The following OSTN variants were observed in gnomAD, a reference collection of about 807,000 sequenced individuals.
OSTN encodes osteocrin.
In OSTN, 9 loss-of-function variants were observed where a neutral mutation model predicts 12.0. The ratio of observed to expected loss-of-function variants is 0.75; its 90% confidence interval spans 0.45 to 1.30. The LOEUF is 1.30. Ranked by LOEUF, OSTN falls within the 50% of genes most tolerant of loss-of-function variation. The pLI, the probability that OSTN is intolerant of heterozygous loss-of-function variation, is 0.00. For synonymous variants in OSTN, 59 were observed against 56.9 expected, an observed-to-expected ratio of 1.04 and a Z score of -0.16; for missense variants, 148 against 152.3, an observed-to-expected ratio of 0.97 and a Z score of 0.15.
chr3:191,199,553 CAG>C (rs1013447200), intron 1 of OSTN, among the ~76,000 whole-genome samples: 11 of 151,886 alleles, frequency 7.2e-5, no homozygotes, highest in African/African-American at 2.2e-4. Context: ...TCAAAACAAA[CAG>C]AAAGTGAATG....
At chr3:191,242,915 A>T (rs1715353263) in intron 3 of OSTN, among the ~76,000 whole-genome samples, 1 of 152,160 alleles carries the variant, frequency 6.6e-6, no homozygotes, top group African/African-American at 2.4e-5. Context: ...TATAACTCTC[A>T]AAGTCTAATA....
At chr3:191,203,453 C>G in intron 1 of OSTN, among the ~76,000 whole-genome samples, 1 of 151,954 alleles carries the variant, frequency 6.6e-6, no homozygotes, top group East Asian at 1.9e-4. Context: ...GCATTAATCA[C>G]AAATCCAAAT....
chr3:191,257,823 A>G (rs1460998874), intron 4 of OSTN, among the ~76,000 whole-genome samples: 1 of 152,224 alleles, frequency 6.6e-6, no homozygotes, highest in African/African-American at 2.4e-5. Context: ...ATTTGGTCTT[A>G]ATTTATGAGT....
intron 1 of OSTN, among the ~76,000 whole-genome samples, chr3:191,207,518 A>G (rs557253214): frequency 3.9e-5 from 6 of 152,320 alleles, no homozygotes; most frequent in African/African-American, 1.4e-4. Context: ...TCTAACATTT[A>G]TACATCTCAT....
chr3:191,226,341 A>G (rs1019519654), intron 3 of OSTN, among the ~76,000 whole-genome samples: 2 of 152,182 alleles, frequency 1.3e-5, no homozygotes, highest in Non-Finnish European at 2.9e-5. Flanking sequence ...TCTAATATTT[A>G]TTAATGTCTA....
intron 3 of OSTN, among the ~76,000 whole-genome samples, chr3:191,230,291 C>T (rs1326412368): frequency 6.6e-6 from 1 of 151,838 alleles, no homozygotes; most frequent in African/African-American, 2.4e-5. Flanking sequence ...CTTGGCTGGG[C>T]ACGGTGGCTC....
rs1715568112 is a variant in OSTN at position 191,251,824 on chromosome 3, C to A, written c.*12+1691C>A. Among the ~76,000 whole-genome samples, 5 of 152,116 alleles carry A rather than the reference C, an allele frequency of 3.3e-5. No homozygotes were observed. In the South Asian group the frequency reaches 1.0e-3, roughly 32 times the overall value. ...CACTCTTCAAGGTTGTTAAAAATTGCCACATTATATTTGAGTAGAAACTAG... is the reference window on the plus strand; with the variant it reads ...CACTCTTCAAGGTTGTTAAAAATTGACACATTATATTTGAGTAGAAACTAG... On this transcript the variant is annotated intron_variant, in intron 4 of 4. Transcript: ENST00000682035.
intron 2 of OSTN, among the ~76,000 whole-genome samples, chr3:191,213,805 G>T (rs1714528397): frequency 6.6e-6 from 1 of 151,752 alleles, no homozygotes; most frequent in African/African-American, 2.4e-5. Flanking sequence ...TTAAAAAAAC[G>T]ATTGTGTAGT....
At chr3:191,235,943 A>G (rs1715178299) in intron 3 of OSTN, among the ~76,000 whole-genome samples, 1 of 152,224 alleles carries the variant, frequency 6.6e-6, no homozygotes, top group Non-Finnish European at 1.5e-5. Context: ...TAGGTTCACC[A>G]TGCTTCAATG....
chr3:191,254,750 T>C (rs971042171), intron 4 of OSTN, among the ~76,000 whole-genome samples: 4 of 152,214 alleles, frequency 2.6e-5, no homozygotes, highest in African/African-American at 9.7e-5. Flanking sequence ...ATATTCTACT[T>C]GGTCTGATTA....
chr3:191,208,426 G>A (rs1386464181), intron 1 of OSTN, among the ~76,000 whole-genome samples: 1 of 152,194 alleles, frequency 6.6e-6, no homozygotes, highest in African/African-American at 2.4e-5. Context: ...TTTCATTAGT[G>A]TACCAAATGC....
At position 191,248,925 on chromosome 3, in the gene OSTN, A is replaced by T. The variant is rs188633587; in HGVS notation, c.318-1112A>T. ...GATCACACCATCGTACTCCAGCAGA[A>T]ATCCTTACATTTGGTGGGAGAATAA... On this transcript the variant is annotated intron_variant, in intron 3 of 4. Coordinates refer to ENST00000682035, the MANE Select transcript of OSTN (RefSeq NM_198184.2). 1.1e-4 allele frequency among the ~76,000 whole-genome samples: 17 copies of T among 152,304 alleles called. No homozygotes were observed. In the East Asian group the frequency reaches 3.3e-3, roughly 29 times the overall value.
At chr3:191,204,604 A>G (rs571163754) in intron 1 of OSTN, among the ~76,000 whole-genome samples, 3 of 152,356 alleles carry the variant, frequency 2.0e-5, no homozygotes, top group South Asian at 4.1e-4. Flanking sequence ...CAATAAAAAA[A>G]GAGACCGCAA....
chr3:191,258,499 G>C (rs973483803), intron 4 of OSTN, among the ~76,000 whole-genome samples: 3 of 147,786 alleles, frequency 2.0e-5, no homozygotes, highest in African/African-American at 7.7e-5. Flanking sequence ...CGGGGCGTAG[G>C]AGGCAAGGGG....
intron 3 of OSTN, among the ~76,000 whole-genome samples, chr3:191,222,134 T>C (rs1714781184): frequency 1.3e-4 from 20 of 152,270 alleles, no homozygotes; most frequent in Admixed American, 1.3e-3. Flanking sequence ...AGATGTTTGC[T>C]GCAGGGGCAG....
intron 4 of OSTN, among the ~76,000 whole-genome samples, chr3:191,261,480 G>T (rs189710409): frequency 6.6e-6 from 1 of 152,246 alleles, no homozygotes; most frequent in Non-Finnish European, 1.5e-5. Context: ...CCCTCAGAGA[G>T]AATAGATGGC....
intron 3 of OSTN, among the ~76,000 whole-genome samples, chr3:191,241,885 T>A (rs1201428120): frequency 1.3e-5 from 2 of 152,164 alleles, no homozygotes; most frequent in East Asian, 3.9e-4. Flanking sequence ...GAGAATAACA[T>A]TATCTAAACA....
intron 4 of OSTN, among the ~76,000 whole-genome samples, chr3:191,252,858 T>A (rs779366023): frequency 6.6e-6 from 1 of 152,250 alleles, no homozygotes; most frequent in Non-Finnish European, 1.5e-5. Flanking sequence ...AGGGGATGTA[T>A]CATTTAACAG....
intron 1 of OSTN, among the ~76,000 whole-genome samples, chr3:191,203,098 A>C (rs564102898): frequency 1.3e-5 from 2 of 152,308 alleles, no homozygotes; most frequent in Non-Finnish European, 2.9e-5. Flanking sequence ...ATCACATTTT[A>C]CTGTAGCTGT....
Sources: gnomAD v4.1 joint callset for allele counts (sites outside exome capture counted in the v4.1 genomes callset) on GRCh38, gnomAD v4.1.1 for gene constraint, MANE v1.5 for transcripts, NCBI Gene and HGNC (gene_info 2026-07-23, HGNC 2026-07-21) for gene names.